The following HMGA2 variants were observed in gnomAD, a reference collection of about 807,000 sequenced individuals.
HMGA2 encodes the protein high mobility group AT-hook 2.
A neutral mutation model predicts 19.1 loss-of-function variants in HMGA2; 8 were observed. That is an observed-to-expected ratio of 0.42 (90% confidence interval 0.25 to 0.76). HMGA2 has a LOEUF of 0.76. Ranked by LOEUF, HMGA2 falls within the 30% of genes least tolerant of loss-of-function variation. The pLI, the probability that HMGA2 is intolerant of heterozygous loss-of-function variation, is 0.28. For synonymous variants in HMGA2, 60 were observed against 48.8 expected, an observed-to-expected ratio of 1.23 and a Z score of -0.96; for missense variants, 109 against 136.3, an observed-to-expected ratio of 0.80 and a Z score of 1.00.
intron 3 of HMGA2, among the ~76,000 whole-genome samples, chr12:65,865,449 A>G (rs1872346582): frequency 6.6e-6 from 1 of 152,174 alleles, no homozygotes; most frequent in African/African-American, 2.4e-5. Context: ...CAGTAAAAAT[A>G]TTATAGCTGT....
chr12:65,909,546 T>C (rs919637036), intron 3 of HMGA2, among the ~76,000 whole-genome samples: 1 of 151,848 alleles, frequency 6.6e-6, no homozygotes, highest in Admixed American at 6.6e-5. Context: ...AAGCTAAGGG[T>C]GAAGTGGGAA....
chr12:65,846,251 C>T (rs778761748), intron 3 of HMGA2, among the ~76,000 whole-genome samples: 13 of 152,086 alleles, frequency 8.5e-5, no homozygotes, highest in Non-Finnish European at 8.8e-5. Flanking sequence ...AACAAGAGTC[C>T]CTTTTGAGCA....
At chr12:65,886,771 T>C (rs1376326507) in intron 3 of HMGA2, among the ~76,000 whole-genome samples, 1 of 152,152 alleles carries the variant, frequency 6.6e-6, no homozygotes, top group East Asian at 1.9e-4. Flanking sequence ...GCCAGACCAT[T>C]GACTTCCAGA....
intron 3 of HMGA2, among the ~76,000 whole-genome samples, chr12:65,890,558 C>T (rs1221630254): frequency 6.6e-6 from 1 of 151,980 alleles, no homozygotes; most frequent in Non-Finnish European, 1.5e-5. Context: ...CTATACTACA[C>T]AATTGACTCA....
At chr12:65,894,056 T>C (rs1187621146) in intron 3 of HMGA2, among the ~76,000 whole-genome samples, 1 of 152,214 alleles carries the variant, frequency 6.6e-6, no homozygotes, top group Non-Finnish European at 1.5e-5. Flanking sequence ...GAATGCACAG[T>C]TCTGATTAAA....
intron 3 of HMGA2, among the ~76,000 whole-genome samples, chr12:65,848,716 C>T (rs1472380496): frequency 3.3e-5 from 5 of 151,684 alleles, no homozygotes; most frequent in African/African-American, 7.3e-5. Context: ...ATTAGCCGGG[C>T]GCGGTGGCGG....
intron 3 of HMGA2, among the ~76,000 whole-genome samples, chr12:65,918,481 T>C (rs1875188472): frequency 6.6e-6 from 1 of 152,214 alleles, no homozygotes; most frequent in Non-Finnish European, 1.5e-5. Context: ...GTAAGTTTTT[T>C]TATGTTGAAT....
intron 3 of HMGA2, among the ~76,000 whole-genome samples, chr12:65,946,025 C>T (rs1876251381): frequency 6.6e-6 from 1 of 152,098 alleles, no homozygotes; most frequent in African/African-American, 2.4e-5. Context: ...TTTAATATGA[C>T]ACCATATTTA....
chr12:65,826,058 C>T (rs1870164724), intron 1 of HMGA2: 1 of 152,440 alleles, frequency 6.6e-6, no homozygotes, highest in African/African-American at 2.4e-5. Context: ...CCTGGTTCCC[C>T]GCAGGACGGG....
chr12:65,830,305 ATTTG>A (rs1038036447), intron 2 of HMGA2, among the ~76,000 whole-genome samples: 1 of 151,934 alleles, frequency 6.6e-6, no homozygotes, highest in African/African-American at 2.4e-5. Flanking sequence ...ATTTTCAAAC[ATTTG>A]TTTATTAAGC....
At position 65,846,449 on chromosome 12, in the gene HMGA2, A is replaced by C. The variant is rs541771171; in HGVS notation, c.249+7880A>C. On this transcript the variant is annotated intron_variant, in intron 3 of 4. Coordinates refer to ENST00000403681, the MANE Select transcript of HMGA2 (RefSeq NM_003483.6). ...CTGAAAGAGTCCTGTTTGGGTGTTAAGAGGCCACAGAGCTAACCCTAACTA... is the reference window on the plus strand; with the variant it reads ...CTGAAAGAGTCCTGTTTGGGTGTTACGAGGCCACAGAGCTAACCCTAACTA... Among the ~76,000 whole-genome samples the C allele has an allele frequency of 3.0e-4, 45 of 152,332 alleles. 1 individual carries two copies. The highest frequency in any genetic ancestry group is 2.4e-4 in the Non-Finnish European group (16 of 68,036).
At chr12:65,853,711 G>A (rs188860897) in intron 3 of HMGA2, among the ~76,000 whole-genome samples, 3 of 152,154 alleles carry the variant, frequency 2.0e-5, no homozygotes, top group Non-Finnish European at 2.9e-5. Flanking sequence ...CATCCTCGCC[G>A]CACAGGGGTC....
intron 3 of HMGA2, among the ~76,000 whole-genome samples, chr12:65,916,050 C>T (rs1054152428): frequency 2.0e-5 from 3 of 152,098 alleles, no homozygotes; most frequent in South Asian, 4.2e-4. Flanking sequence ...AGAGGAGTAC[C>T]GTGCTGTCAT....
chr12:65,852,099 A>C (rs566307518), intron 3 of HMGA2, among the ~76,000 whole-genome samples: 2 of 151,586 alleles, frequency 1.3e-5, no homozygotes, highest in East Asian at 3.9e-4. Flanking sequence ...ACTTTGTACA[A>C]ATTTGTACAA....
intron 3 of HMGA2, among the ~76,000 whole-genome samples, chr12:65,883,915 A>G (rs1873548320): frequency 6.6e-6 from 1 of 152,230 alleles, no homozygotes; most frequent in Non-Finnish European, 1.5e-5. Context: ...CCCAGGCTAG[A>G]GTACGGTGGC....
At chr12:65,932,527 T>C (rs1875751563) in intron 3 of HMGA2, among the ~76,000 whole-genome samples, 1 of 152,136 alleles carries the variant, frequency 6.6e-6, no homozygotes, top group South Asian at 2.1e-4. Flanking sequence ...GTTGAATAAA[T>C]GAAAAAAATA....
chr12:65,936,884 A>G (rs904973051), intron 3 of HMGA2, among the ~76,000 whole-genome samples: 2 of 152,112 alleles, frequency 1.3e-5, no homozygotes, highest in African/African-American at 4.8e-5. Flanking sequence ...TTCTGGCCCC[A>G]AAGCCCTGTT....
intron 4 of HMGA2, among the ~76,000 whole-genome samples, chr12:65,961,380 T>A (rs950757376): frequency 6.6e-6 from 1 of 152,180 alleles, no homozygotes; most frequent in African/African-American, 2.4e-5. Flanking sequence ...ACATCCTCCT[T>A]TGTGGCCAGG....
chr12:65,918,736 C>T (rs933277162), intron 3 of HMGA2, among the ~76,000 whole-genome samples: 2 of 152,132 alleles, frequency 1.3e-5, no homozygotes, highest in Non-Finnish European at 2.9e-5. Flanking sequence ...TTATGGATGA[C>T]ATCTGTATGT....
Sources: allele counts gnomAD v4.1 joint callset (sites outside exome capture counted in the v4.1 genomes callset), GRCh38; gene constraint gnomAD v4.1.1; transcripts MANE v1.5; gene names NCBI Gene and HGNC (gene_info 2026-07-23, HGNC 2026-07-21).